The following UTRN variants were observed in gnomAD, a reference collection of about 807,000 sequenced individuals.
The protein encoded by UTRN is dystrophin-related protein 1.
UTRN carries 283 observed loss-of-function variants against 463.9 expected under a neutral mutation model. The observed-to-expected ratio is 0.61, with a 90% confidence interval of 0.55 to 0.67. UTRN has a LOEUF of 0.67. Among genes scored for constraint, UTRN ranks in the 30% least tolerant of loss-of-function variants. UTRN has a pLI of 0.00. For synonymous variants in UTRN, 1,442 were observed against 1,431.5 expected (o/e 1.01, Z -0.17); for missense variants, 3,922 against 4,084.3 (o/e 0.96, Z 1.08).
intron 51 of UTRN, among the ~76,000 whole-genome samples, chr6:144,595,963 G>A (rs894261771): frequency 4.6e-5 from 7 of 152,052 alleles, no homozygotes; most frequent in African/African-American, 1.4e-4. Context: ...ATCCTTATAC[G>A]GTGTGGTGGT....
intron 46 of UTRN, among the ~76,000 whole-genome samples, chr6:144,546,815 A>AAAACAAAC (rs140082062): frequency 1.3e-4 from 20 of 151,982 alleles, no homozygotes; most frequent in East Asian, 3.9e-4. Flanking sequence ...TCTCAAAGAA[A>AAAACAAAC]AAACAAACAA....
chr6:144,531,209 G>C lies in UTRN; in HGVS notation c.6057+7G>C, dbSNP rs1169998440. 2 of 1,613,296 alleles carry C rather than the reference G, an allele frequency of 1.2e-6. No homozygotes were observed. Among genetic ancestry groups the C allele is most frequent in the South Asian group, 2.2e-5 (2 of 90,984 alleles). On this transcript the variant is annotated splice_region_variant and intron_variant, in intron 42 of 74. Transcript: ENST00000367545. ...AGCCAGGATACATCAGCAGGTGAGT[G>C]CTTTCTGTTAGAGGAGGGGGACTGC...
chr6:144,708,138 T>C, intron 53 of UTRN: 1 of 398,522 alleles, frequency 2.5e-6, no homozygotes, highest in South Asian at 2.9e-5. Flanking sequence ...TATTTGGTTA[T>C]CAGTGTCTGA....
intron 51 of UTRN, among the ~76,000 whole-genome samples, chr6:144,610,184 A>G (rs917664053): frequency 1.3e-5 from 2 of 151,290 alleles, no homozygotes; most frequent in Admixed American, 1.3e-4. Flanking sequence ...ACCATTAGCT[A>G]GACTAACCAA....
rs143553390 is a variant in UTRN at position 144,472,114 on chromosome 6, T to C, written c.3067-1606T>C. Among the ~76,000 whole-genome samples the C allele has an allele frequency of 2.2e-3, 338 of 152,268 alleles. 1 individual carries two copies. The highest frequency in any genetic ancestry group is 7.8e-3 in the African/African-American group (326 of 41,550). On this transcript the variant is annotated intron_variant, in intron 23 of 74. Transcript: ENST00000367545. ...AAATGGAGATGGAGGAATGTCCTAA[T>C]TAAGAGGAAACATTAGTTTTTAGAA...
At chr6:144,589,229 TACA>T (rs1802766921) in intron 51 of UTRN, among the ~76,000 whole-genome samples, 1 of 152,226 alleles carries the variant, frequency 6.6e-6, no homozygotes, top group Admixed American at 6.5e-5. Context: ...AATGGCTGAC[TACA>T]ACAATAGAAT....
Position 144,285,399 on chromosome 6 carries a change from C to T in UTRN, c.-515C>T, listed in dbSNP as rs1195414843. On this transcript the variant is annotated 5_prime_UTR_variant, in exon 1 of 75. Transcript: ENST00000367545. ...CCGCGGGCTTTCTCCCGCCGAGGGGCGAGGAGGAGCCTCTGGCTCCAGAAG... is the reference window on the plus strand; with the variant it reads ...CCGCGGGCTTTCTCCCGCCGAGGGGTGAGGAGGAGCCTCTGGCTCCAGAAG... Among the ~76,000 whole-genome samples, 1 of 152,026 alleles carries T rather than the reference C, an allele frequency of 6.6e-6. No individual in the cohort carries two copies. Among genetic ancestry groups the T allele is most frequent in the Non-Finnish European group, 1.5e-5 (1 of 67,992 alleles).
At chr6:144,414,144 T>C (rs977918226) in intron 3 of UTRN, among the ~76,000 whole-genome samples, 1 of 150,298 alleles carries the variant, frequency 6.7e-6, no homozygotes, top group African/African-American at 2.5e-5. Flanking sequence ...AAAAAAAAAG[T>C]TAACTACAAA....
chr6:144,360,739 A>G (rs117778458), intron 2 of UTRN, among the ~76,000 whole-genome samples: 266 of 152,320 alleles, frequency 1.7e-3, no homozygotes, highest in Non-Finnish European at 3.1e-3. Context: ...TACTTTTGAG[A>G]TGAACATTTT....
chr6:144,577,932 G>T (rs1801598295), intron 51 of UTRN, among the ~76,000 whole-genome samples: 1 of 152,116 alleles, frequency 6.6e-6, no homozygotes, highest in African/African-American at 2.4e-5. Context: ...GCGGAGTGTG[G>T]TGCCTCACGC....
intron 2 of UTRN, among the ~76,000 whole-genome samples, chr6:144,399,649 C>G (rs1415065287): frequency 6.6e-6 from 1 of 152,176 alleles, no homozygotes; most frequent in Non-Finnish European, 1.5e-5. Flanking sequence ...GAGGATAATG[C>G]TTTCTCTCTA....
rs1404302566 is a variant in UTRN at position 144,606,127 on chromosome 6, GAT to G, written c.7479+28840_7479+28841del. ...GAAATGTGACAATGCAGTGATTGGT[GAT>G]CATAAATGAACTTAGTTTTATTCAG... is the stretch of plus-strand genomic sequence containing the variant. On this transcript the variant is annotated intron_variant, in intron 51 of 74. Transcript: ENST00000367545. Among the ~76,000 whole-genome samples the G allele has an allele frequency of 2.0e-5, 3 of 152,118 alleles. No homozygotes were observed. The East Asian group carries it at 5.8e-4, about 29-fold the overall frequency.
At chr6:144,401,050 G>C (rs1026823145) in intron 2 of UTRN, among the ~76,000 whole-genome samples, 3 of 152,140 alleles carry the variant, frequency 2.0e-5, no homozygotes, top group Non-Finnish European at 2.9e-5. Flanking sequence ...AAAGTTAAAT[G>C]CTCCGGAAAC....
chr6:144,583,290 T>G, intron 51 of UTRN: 4 of 413,080 alleles, frequency 9.7e-6, no homozygotes, highest in Non-Finnish European at 4.3e-6. Flanking sequence ...TCTGTGGCGT[T>G]TGTCTGTGTT....
At chr6:144,624,506 T>C (rs895002885) in intron 51 of UTRN, among the ~76,000 whole-genome samples, 3 of 152,194 alleles carry the variant, frequency 2.0e-5, no homozygotes, top group African/African-American at 7.2e-5. Flanking sequence ...TAGCCACTGA[T>C]ACCTGGTTAT....
intron 2 of UTRN, among the ~76,000 whole-genome samples, chr6:144,356,869 G>A (rs912947457): frequency 1.3e-5 from 1 of 75,870 alleles, no homozygotes; most frequent in East Asian, 3.8e-4. Context: ...GTGTATGTGT[G>A]TGTATATATA....
intron 69 of UTRN, among the ~76,000 whole-genome samples, chr6:144,830,251 A>T (rs1272328849): frequency 2.0e-5 from 3 of 152,152 alleles, no homozygotes; most frequent in Non-Finnish European, 2.9e-5. Context: ...AACATTTTTT[A>T]AAAAGAAAAG....
At chr6:144,697,757 A>G (rs1388480947) in intron 52 of UTRN, among the ~76,000 whole-genome samples, 1 of 152,184 alleles carries the variant, frequency 6.6e-6, no homozygotes, top group Non-Finnish European at 1.5e-5. Context: ...ATTAATAGAT[A>G]GTTTTTCAGA....
intron 15 of UTRN, 141 bp downstream of exon 15, chr6:144,447,459 C>A: frequency 1.6e-6 from 2 of 1,256,598 alleles, no homozygotes; most frequent in Non-Finnish European, 1.1e-6. Context: ...CAATCTGGAA[C>A]CACGAGTCTT....
Sources: allele counts gnomAD v4.1 joint callset (sites outside exome capture counted in the v4.1 genomes callset), GRCh38; gene constraint gnomAD v4.1.1; transcripts MANE v1.5; gene names NCBI Gene and HGNC (gene_info 2026-07-23, HGNC 2026-07-21).